The following RBM47 variants were observed in gnomAD, a reference collection of about 807,000 sequenced individuals.
RBM47 encodes RNA binding motif protein 47.
A neutral mutation model predicts 47.1 loss-of-function variants in RBM47; 21 were observed. That is an observed-to-expected ratio of 0.45 (90% CI 0.32 to 0.64). RBM47 has a LOEUF of 0.64. Among genes scored for constraint, RBM47 ranks in the 30% least tolerant of loss-of-function variants. RBM47 has a pLI of 0.05. For synonymous variants in RBM47, 375 were observed against 361.7 expected (o/e 1.04, Z -0.42); for missense variants, 708 against 870.9 (o/e 0.81, Z 2.35).
chr4:40,560,838 C>T (rs188510275), intron 1 of RBM47, among the ~76,000 whole-genome samples: 299 of 152,028 alleles, frequency 2.0e-3, no homozygotes, highest in African/African-American at 6.7e-3. Flanking sequence ...TGGTGGCAGG[C>T]GCCTGTAATC....
chr4:40,451,022 T>C (rs569875187), intron 3 of RBM47, among the ~76,000 whole-genome samples: 8 of 152,200 alleles, frequency 5.3e-5, no homozygotes, highest in Admixed American at 2.0e-4. Flanking sequence ...TCCCTCAACA[T>C]GGGCCTGGTG....
chr4:40,503,715 AGGGGG>A (rs1220480101), intron 2 of RBM47, among the ~76,000 whole-genome samples: 4 of 152,070 alleles, frequency 2.6e-5, no homozygotes, highest in African/African-American at 7.2e-5. Context: ...AGAGCCTAAG[AGGGGG>A]GAGAGAAGAA....
chr4:40,425,676 G>A lies in RBM47; in HGVS notation c.*228C>T, dbSNP rs1047864673. The A allele has an allele frequency of 1.1e-5, 6 of 537,322 alleles. No individual in the cohort carries two copies. Among genetic ancestry groups the A allele is most frequent in the South Asian group, 5.8e-5 (2 of 34,718 alleles). The allele number at this position is 537,322 out of a possible 1,614,324, so 33.3% of individuals were successfully genotyped here. A position where few individuals can be genotyped will look rare whatever the true frequency, so the allele number is the denominator to read the frequency against. On this transcript the variant is annotated 3_prime_UTR_variant, in exon 7 of 7. Transcript: ENST00000295971. ...TTTTTAAAAGATGGAATGAAGGCAC[G>A]AACCATTGCAAGTCTTTTGGAAATG...
At chr4:40,604,537 G>T (rs1735571683) in intron 1 of RBM47, among the ~76,000 whole-genome samples, 1 of 152,116 alleles carries the variant, frequency 6.6e-6, no homozygotes. Context: ...TGAGGAGGGA[G>T]GATTGCTTGA....
intron 1 of RBM47, among the ~76,000 whole-genome samples, chr4:40,553,857 A>T (rs1729809354): frequency 6.6e-6 from 1 of 152,224 alleles, no homozygotes; most frequent in South Asian, 2.1e-4. Context: ...AGAGTGCTGA[A>T]CAGTGGTTGG....
intron 3 of RBM47, among the ~76,000 whole-genome samples, chr4:40,464,951 G>C (rs1388880379): frequency 7.0e-6 from 1 of 143,670 alleles, no homozygotes; most frequent in South Asian, 2.3e-4. Flanking sequence ...CAAAATCAGA[G>C]TAAATACACC....
chr4:40,550,395 C>T (rs1383942796), intron 1 of RBM47, among the ~76,000 whole-genome samples: 1 of 152,036 alleles, frequency 6.6e-6, no homozygotes, highest in Non-Finnish European at 1.5e-5. Flanking sequence ...TTAAAAGTCA[C>T]CACTGAAAAT....
In RBM47 at chr4:40,500,113, G is replaced by A. The variant is rs188895694; in HGVS notation, c.-154-33414C>T. ...GTGGATCACCTGAGGCCAGGAGTTC[G>A]AGACCAGCCTCGCCAACAGAGTGAA... On this transcript the variant is annotated intron_variant, in intron 2 of 6. Transcript: ENST00000295971. Among the ~76,000 whole-genome samples the A allele has an allele frequency of 8.8e-3, 1,340 of 152,130 alleles. 11 individuals carry two copies. Among genetic ancestry groups the A allele is most frequent in the Non-Finnish European group, 0.014 (933 of 68,012 alleles).
At chr4:40,436,252 A>G (rs1051852684) in intron 5 of RBM47, among the ~76,000 whole-genome samples, 189 bp downstream of exon 5, 1 of 152,158 alleles carries the variant, frequency 6.6e-6, no homozygotes, top group Non-Finnish European at 1.5e-5. Context: ...AGTCAAAGCT[A>G]CACCATCCCC....
chr4:40,609,952 T>G (rs771045577), intron 1 of RBM47, among the ~76,000 whole-genome samples: 7 of 151,626 alleles, frequency 4.6e-5, no homozygotes, highest in Non-Finnish European at 7.4e-5. Flanking sequence ...ATTAGCCGGG[T>G]GTGGTGCCGC....
intron 4 of RBM47, among the ~76,000 whole-genome samples, chr4:40,437,534 C>T (rs1712833271): frequency 6.6e-6 from 1 of 152,176 alleles, no homozygotes; most frequent in Non-Finnish European, 1.5e-5. Context: ...CCAGCACTTG[C>T]ATATTCCTGT....
intron 1 of RBM47, among the ~76,000 whole-genome samples, chr4:40,557,212 G>C (rs1271776894): frequency 6.6e-6 from 1 of 152,056 alleles, no homozygotes; most frequent in Non-Finnish European, 1.5e-5. Flanking sequence ...ATTCCTCAGG[G>C]AAGCCTTCCC....
intron 1 of RBM47, among the ~76,000 whole-genome samples, chr4:40,567,088 T>C (rs1731175048): frequency 6.6e-6 from 1 of 151,962 alleles, no homozygotes; most frequent in African/African-American, 2.4e-5. Flanking sequence ...GCTCAGAGAA[T>C]ATAAGTAATA....
At chr4:40,437,730 C>T (rs1396620259) in intron 4 of RBM47, 41 bp downstream of exon 4, 5 of 1,542,982 alleles carry the variant, frequency 3.2e-6, no homozygotes, top group Admixed American at 3.6e-5. Flanking sequence ...TAGGAGGCAA[C>T]GTTCTTGGGG....
intron 3 of RBM47, among the ~76,000 whole-genome samples, chr4:40,455,071 T>C (rs1716034021): frequency 6.6e-6 from 1 of 152,146 alleles, no homozygotes; most frequent in Non-Finnish European, 1.5e-5. Flanking sequence ...CTTTCTACCA[T>C]CCCCATCGCT....
At chr4:40,531,896 G>T (rs1005126313) in intron 2 of RBM47, among the ~76,000 whole-genome samples, 3 of 152,104 alleles carry the variant, frequency 2.0e-5, no homozygotes, top group African/African-American at 4.8e-5. Context: ...AGGCAGGGGG[G>T]TGAGGACAAA....
chr4:40,561,772 A>T (rs1423209240), intron 1 of RBM47, among the ~76,000 whole-genome samples: 1 of 151,068 alleles, frequency 6.6e-6, no homozygotes, highest in Non-Finnish European at 1.5e-5. Context: ...CTGGTCTCGA[A>T]CTCCTGCGCT....
At chr4:40,485,905 A>C (rs1306142496) in intron 2 of RBM47, among the ~76,000 whole-genome samples, 1 of 151,234 alleles carries the variant, frequency 6.6e-6, no homozygotes, top group Non-Finnish European at 1.5e-5. Context: ...GTAAAAAAAA[A>C]AAAAAAAATA....
intron 1 of RBM47, among the ~76,000 whole-genome samples, chr4:40,622,989 G>A (rs926185196): frequency 6.6e-6 from 1 of 152,228 alleles, no homozygotes; most frequent in Non-Finnish European, 1.5e-5. Flanking sequence ...TTCTGCAGAC[G>A]TATCCACCCT....
Sources: allele counts gnomAD v4.1 joint callset (sites outside exome capture counted in the v4.1 genomes callset), GRCh38; gene constraint gnomAD v4.1.1; transcripts MANE v1.5; gene names NCBI Gene and HGNC (gene_info 2026-07-23, HGNC 2026-07-21).